The following PTPRR variants were observed in gnomAD, a reference collection of about 807,000 sequenced individuals.
PTPRR encodes protein tyrosine phosphatase receptor type R.
PTPRR carries 38 observed loss-of-function variants against 77.2 expected under a neutral mutation model. That is an observed-to-expected ratio of 0.49 (90% CI 0.38 to 0.65). The LOEUF (loss-of-function observed/expected upper bound fraction) is 0.65. Ranked by LOEUF, PTPRR falls within the 30% of genes least tolerant of loss-of-function variation. The pLI is 0.00. For synonymous variants in PTPRR, 299 were observed against 283.1 expected (o/e 1.06, Z -0.57); for missense variants, 744 against 799.2 (o/e 0.93, Z 0.83).
intron 2 of PTPRR, among the ~76,000 whole-genome samples, chr12:70,859,062 A>G (rs1385061570): frequency 6.6e-6 from 1 of 151,882 alleles, no homozygotes; most frequent in Non-Finnish European, 1.5e-5. Context: ...AGTTCTTCAT[A>G]CCAGGACATC....
At chr12:70,666,770 C>T (rs2136685520) in intron 10 of PTPRR, among the ~76,000 whole-genome samples, 1 of 151,976 alleles carries the variant, frequency 6.6e-6, no homozygotes, top group Admixed American at 6.5e-5. Flanking sequence ...ATGTGATTGA[C>T]ATAAACTATA....
chr12:70,700,087 A>C (rs1408417536), intron 7 of PTPRR, among the ~76,000 whole-genome samples: 1 of 152,132 alleles, frequency 6.6e-6, no homozygotes, highest in African/African-American at 2.4e-5. Context: ...CATTTTCTTC[A>C]CATGTAAAAT....
rs139922132 is a variant in PTPRR, at chr12:70,786,858, T to C, written c.358-22080A>G. On this transcript the variant is annotated intron_variant, in intron 2 of 13. Transcript: ENST00000283228. ...CTCTATGATTTAATGTCTTTCAACT[T>C]TTTTCTTAGTAATCCTGATTTTTTC... Among the ~76,000 whole-genome samples the C allele has an allele frequency of 2.0e-5, 3 of 152,316 alleles. No homozygotes were observed. The East Asian group carries it at 5.8e-4, about 29-fold the overall frequency.
chr12:70,868,752 G>C (rs1892906273), intron 2 of PTPRR, among the ~76,000 whole-genome samples: 1 of 152,058 alleles, frequency 6.6e-6, no homozygotes, highest in Admixed American at 6.6e-5. Flanking sequence ...GTTGATTGCA[G>C]CACTATTCAC....
chr12:70,743,765 G>A (rs1022534369), intron 6 of PTPRR, among the ~76,000 whole-genome samples: 9 of 152,010 alleles, frequency 5.9e-5, no homozygotes, highest in Middle Eastern at 3.2e-3. Flanking sequence ...CCTTGTATTC[G>A]CCCTTCTCAA....
intron 10 of PTPRR, among the ~76,000 whole-genome samples, chr12:70,665,103 C>G (rs1886938384): frequency 6.6e-6 from 1 of 152,150 alleles, no homozygotes; most frequent in Non-Finnish European, 1.5e-5. Flanking sequence ...GTAGGTGATT[C>G]AAAATAGCAT....
intron 2 of PTPRR, among the ~76,000 whole-genome samples, chr12:70,794,797 C>T (rs1454866130): frequency 6.6e-6 from 1 of 152,182 alleles, no homozygotes; most frequent in African/African-American, 2.4e-5. Flanking sequence ...CTTGACATAG[C>T]CACAGGCAGA....
chr12:70,656,226 A>T (rs1487016560), intron 13 of PTPRR, among the ~76,000 whole-genome samples: 1 of 150,966 alleles, frequency 6.6e-6, no homozygotes, highest in African/African-American at 2.4e-5. Context: ...TCAAAAAAAT[A>T]ATAAATAAAT....
intron 1 of PTPRR, among the ~76,000 whole-genome samples, chr12:70,919,109 A>G (rs1893815264): frequency 6.6e-6 from 1 of 152,252 alleles, no homozygotes; most frequent in African/African-American, 2.4e-5. Context: ...TAGCTGGAAT[A>G]AGAAAGTACC....
chr12:70,655,171 T>A (rs1886532145), intron 13 of PTPRR, among the ~76,000 whole-genome samples: 1 of 152,144 alleles, frequency 6.6e-6, no homozygotes, highest in Non-Finnish European at 1.5e-5. Context: ...TCAAACCATA[T>A]CTCTATAAAA....
At position 70,761,474 on chromosome 12, in the gene PTPRR, A is replaced by G; in HGVS notation, c.624T>C (p.Pro208=). The stretch of plus-strand genomic sequence containing the variant: ...ATTGTTTCGTGCAACAACATACCTC[A>G]GGAGAGACTTCTGTAATTCCAAACT... ...LSQFGITEVS[P]EKNVLQGQHE... Residue 208 remains proline (P), a synonymous_variant, in exon 4 of 14, where the codon CCT becomes CCC. Transcript: ENST00000283228. The G allele has an allele frequency of 2.5e-6, 4 of 1,603,630 alleles. No homozygotes were observed. Among genetic ancestry groups the G allele is most frequent in the Non-Finnish European group, 3.4e-6 (4 of 1,175,120 alleles).
chr12:70,893,236 C>A (rs937623599), intron 1 of PTPRR, among the ~76,000 whole-genome samples: 14 of 151,794 alleles, frequency 9.2e-5, no homozygotes, highest in Admixed American at 2.6e-4. Flanking sequence ...TATTCTGATG[C>A]CACTTTTACT....
At chr12:70,763,893 T>A (rs1431659980) in intron 3 of PTPRR, among the ~76,000 whole-genome samples, 1 of 152,142 alleles carries the variant, frequency 6.6e-6, no homozygotes, top group African/African-American at 2.4e-5. Context: ...GATGGGAACA[T>A]GTAGTTGCAT....
intron 2 of PTPRR, among the ~76,000 whole-genome samples, chr12:70,845,161 T>G (rs1235805529): frequency 6.6e-6 from 1 of 152,180 alleles, no homozygotes; most frequent in Non-Finnish European, 1.5e-5. Flanking sequence ...GATGTTCACT[T>G]CCTTCTAGGA....
chr12:70,824,737 G>C lies in PTPRR; in HGVS notation c.358-59959C>G, dbSNP rs193267276. On this transcript the variant is annotated intron_variant, in intron 2 of 13. Coordinates refer to ENST00000283228, the MANE Select transcript of PTPRR (RefSeq NM_002849.4). ...AAATATTTGGCTATGCCTTTGTCGG[G>C]ATGGGGTTGGTGGGGGCGGAGGGAT... Among the ~76,000 whole-genome samples the C allele has an allele frequency of 3.5e-4, 53 of 152,280 alleles. No individual in the cohort carries two copies. The East Asian group carries it at 9.9e-3, about 28-fold the overall frequency.
intron 2 of PTPRR, among the ~76,000 whole-genome samples, chr12:70,865,987 G>A (rs1324889235): frequency 2.0e-5 from 3 of 151,996 alleles, no homozygotes; most frequent in African/African-American, 4.8e-5. Context: ...TGAAACCAAT[G>A]AGAACAAAGA....
At chr12:70,648,233 G>C (rs1886270310) in intron 13 of PTPRR, among the ~76,000 whole-genome samples, 1 of 152,028 alleles carries the variant, frequency 6.6e-6, no homozygotes, top group African/African-American at 2.4e-5. Context: ...CCTGAGGCTA[G>C]ATTTTAAAAA....
chr12:70,765,408 C>A (rs1430836140), intron 2 of PTPRR, among the ~76,000 whole-genome samples: 1 of 152,160 alleles, frequency 6.6e-6, no homozygotes, highest in Non-Finnish European at 1.5e-5. Context: ...TTGCTGATTG[C>A]TAGCACAGCA....
intron 1 of PTPRR, among the ~76,000 whole-genome samples, chr12:70,918,650 G>T (rs183863779): frequency 6.6e-6 from 1 of 152,236 alleles, no homozygotes; most frequent in Non-Finnish European, 1.5e-5. Context: ...TAACTTTTAA[G>T]ATATAATTAC....
Sources: allele counts gnomAD v4.1 joint callset (sites outside exome capture counted in the v4.1 genomes callset), GRCh38; gene constraint gnomAD v4.1.1; transcripts MANE v1.5; gene names NCBI Gene and HGNC (gene_info 2026-07-23, HGNC 2026-07-21).